The following TSPAN4 variants were observed in gnomAD, a reference collection of about 807,000 sequenced individuals.
TSPAN4 encodes tetraspanin-4.
A neutral mutation model predicts 31.5 loss-of-function variants in TSPAN4; 38 were observed. The ratio of observed to expected loss-of-function variants is 1.21; its 90% CI spans 0.93 to 1.58. The LOEUF (loss-of-function observed/expected upper bound fraction) is 1.58. Ranked by LOEUF, TSPAN4 falls within the 40% of genes most tolerant of loss-of-function variation. The probability of loss-of-function intolerance (pLI) is 0.00; values close to 1 mark genes in which losing one functional copy is unlikely to be tolerated. For missense variants in TSPAN4, 330 were observed against 317.3 expected, an observed-to-expected ratio of 1.04 and a Z score of -0.30; for synonymous variants, 186 against 144.6, an observed-to-expected ratio of 1.29 and a Z score of -2.06.
rs1357528706 is a variant in TSPAN4, at chr11:848,927, G to A, written c.-17-1361G>A. On this transcript the variant is annotated intron_variant, in intron 2 of 8. Transcript: ENST00000397397. This position sits in a 1 kb window ranked among gnomAD's most constrained non-coding sequence, Gnocchi z 5.7. ...CAGGAGTGCAGGCACATCTGCGCAC[G>A]GGGCCGGTATGTCTGTACCTGTCAA... 4.2e-6 allele frequency: 3 copies of A among 713,708 alleles called. No homozygotes were observed. Among genetic ancestry groups the A allele is most frequent in the Non-Finnish European group, 7.8e-6 (3 of 383,392 alleles). The allele number at this position is 713,708 out of a possible 1,614,324, so 44.2% of individuals were successfully genotyped here.
chr11:857,566 C>T (rs962733163), intron 3 of TSPAN4: 2 of 152,232 alleles, frequency 1.3e-5, no homozygotes, highest in Non-Finnish European at 2.9e-5. Flanking sequence ...CCACGCCCAG[C>T]TAATTTTTTG....
Position 850,311 on chromosome 11 carries a change from C to G in TSPAN4, c.7C>G (p.Arg3Gly), listed in dbSNP as rs973975934. The change falls in exon 3 of 9, where the codon CGC (arginine) becomes GGC (glycine). Residue 3 changes from arginine to glycine, a missense_variant. By Grantham distance (125) the Arg-to-Gly change is moderately radical (BLOSUM62 -2). Transcript: ENST00000397397. MA[R>G]ACLQAVKYLM... ...AGAACTGAAGCGCTGCGGCATGGCGCGCGCCTGCCTCCAGGCCGTCAAGTA... is the reference window on the plus strand; with the variant it reads ...AGAACTGAAGCGCTGCGGCATGGCGGGCGCCTGCCTCCAGGCCGTCAAGTA... 6.2e-6 allele frequency: 10 copies of G among 1,606,554 alleles called. No homozygotes were observed. Among genetic ancestry groups the G allele is most frequent in the Non-Finnish European group, 7.6e-6 (9 of 1,178,580 alleles).
chr11:860,331 T>A (rs932379865), intron 3 of TSPAN4, among the ~76,000 whole-genome samples: 1 of 152,226 alleles, frequency 6.6e-6, no homozygotes, highest in Non-Finnish European at 1.5e-5. Context: ...GCAGCCATGC[T>A]GGCCCTTGGG....
chr11:849,818 G>A (rs1443861012), intron 2 of TSPAN4: 4 of 147,042 alleles, frequency 2.7e-5, no homozygotes, highest in Non-Finnish European at 6.1e-5. Context: ...GGGGCGCGCG[G>A]GGTCGGGGGC....
chr11:854,401 C>A (rs1847931142), intron 3 of TSPAN4, among the ~76,000 whole-genome samples: 1 of 152,174 alleles, frequency 6.6e-6, no homozygotes. Context: ...ATTTTCCCAT[C>A]TGCACCATGT....
chr11:845,673 C>A (rs1173388717), intron 1 of TSPAN4, among the ~76,000 whole-genome samples: 4 of 151,984 alleles, frequency 2.6e-5, no homozygotes, highest in Admixed American at 2.6e-4. Context: ...ACCCAGGGTC[C>A]TAAGTCTGTT....
At chr11:863,932 G>C (rs1589794889) in intron 4 of TSPAN4, 2 of 161,258 alleles carry the variant, frequency 1.2e-5, no homozygotes, top group East Asian at 3.5e-4. Flanking sequence ...GGTCTTGCTG[G>C]AGGGGGCATC....
intron 1 of TSPAN4, among the ~76,000 whole-genome samples, chr11:846,466 C>T (rs1011882118): frequency 2.0e-5 from 3 of 152,186 alleles, no homozygotes; most frequent in African/African-American, 7.2e-5. Flanking sequence ...ACTGGAAGGA[C>T]AGTTACCTCA....
At position 864,457 on chromosome 11, in the gene TSPAN4, G is replaced by A. The variant is rs1195188768; in HGVS notation, c.276G>A (p.Leu92=). Residue 92 remains leucine (L), a synonymous_variant, in exon 5 of 9, where the codon CTG becomes CTA. Transcript: ENST00000397397. ...CACAGTTCTTCCTGCTGCTGCTGCT[G>A]GTGTTCCTGCTGGAGGCCACCATCG... ...LLLTFFLLLL[L]VFLLEATIAI... The A allele has an allele frequency of 1.9e-6, 3 of 1,612,794 alleles. No individual in the cohort carries two copies. Among genetic ancestry groups the A allele is most frequent in the Non-Finnish European group, 2.5e-6 (3 of 1,179,954 alleles).
rs141957485 is a variant in TSPAN4 at position 865,705 on chromosome 11, T to G, written c.444T>G (p.Cys148Trp). ...AGCTTGCCCCCCAGTTCCGCTGCTG[T>G]GGCGTCTCCAACTACACTGACTGGT... is the stretch of plus-strand genomic sequence containing the variant. The part of the protein sequence containing the change: ...WSIIQTDFRC[C>W]GVSNYTDWFE... Residue 148 changes from cysteine (C) to tryptophan (W), a missense_variant, in exon 7 of 9, where the codon TGT becomes TGG. Physicochemically the swap from Cys to Trp is radical, Grantham distance 215 (BLOSUM62 -2). Coordinates refer to ENST00000397397, the MANE Select transcript of TSPAN4 (RefSeq NM_003271.5). 73 of 1,613,246 alleles carry G rather than the reference T, an allele frequency of 4.5e-5. No homozygotes were observed. The highest frequency in any genetic ancestry group is 5.8e-5 in the Non-Finnish European group (69 of 1,179,944).
chr11:866,741 G>A lies in TSPAN4; in HGVS notation c.*111G>A, dbSNP rs1014762996. On this transcript the variant is annotated 3_prime_UTR_variant, in exon 9 of 9. Coordinates refer to ENST00000397397, the MANE Select transcript of TSPAN4 (RefSeq NM_003271.5). ...GTGCTCTGCCCCATGCTGGGAGGAGGGAGGGAGGGACAGGTGCCTGGAGCC... is the reference window on the plus strand; with the variant it reads ...GTGCTCTGCCCCATGCTGGGAGGAGAGAGGGAGGGACAGGTGCCTGGAGCC... 3.6e-6 allele frequency: 4 copies of A among 1,125,258 alleles called. No homozygotes were observed. Among genetic ancestry groups the A allele is most frequent in the Admixed American group, 5.2e-5 (2 of 38,314 alleles). The allele number at this position is 1,125,258 out of a possible 1,614,324, so 69.7% of individuals were successfully genotyped here.
intron 3 of TSPAN4, among the ~76,000 whole-genome samples, chr11:853,952 C>T (rs138978243): frequency 6.6e-6 from 1 of 152,328 alleles, no homozygotes; most frequent in Non-Finnish European, 1.5e-5. Flanking sequence ...GGTGCCGACA[C>T]AGACACAGGT....
intron 8 of TSPAN4, among the ~76,000 whole-genome samples, 169 bp downstream of exon 8, chr11:866,170 A>G (rs550849847): frequency 3.0e-4 from 46 of 152,252 alleles, no homozygotes; most frequent in Non-Finnish European, 5.6e-4. Context: ...CTGTGGGGAC[A>G]GTGGGCTCCC....
intron 1 of TSPAN4, among the ~76,000 whole-genome samples, chr11:843,895 G>A (rs896347528): frequency 2.0e-5 from 3 of 152,192 alleles, no homozygotes; most frequent in Admixed American, 1.3e-4. Context: ...AGAGGAGGAG[G>A]ACGAAGGGTT....
At chr11:845,354 G>A (rs1847254430) in intron 1 of TSPAN4, among the ~76,000 whole-genome samples, 3 of 152,306 alleles carry the variant, frequency 2.0e-5, no homozygotes, top group South Asian at 2.1e-4. Flanking sequence ...CTGGGAGACT[G>A]GCGTTGTGAG....
At chr11:864,179 G>C (rs868715704) in intron 4 of TSPAN4, 1 of 570,072 alleles carries the variant, frequency 1.8e-6, no homozygotes, top group African/African-American at 1.9e-5. Context: ...AGGGATGGGG[G>C]CAGGGGAGGG....
At chr11:845,169 C>T (rs911656848) in intron 1 of TSPAN4, among the ~76,000 whole-genome samples, 1 of 152,236 alleles carries the variant, frequency 6.6e-6, no homozygotes, top group East Asian at 1.9e-4. Flanking sequence ...CGCCCCCACA[C>T]CTGTGCTCTC....
chr11:843,607 C>T (rs2133973893), intron 1 of TSPAN4: 1 of 113,146 alleles, frequency 8.8e-6, no homozygotes, highest in African/African-American at 2.9e-5. Flanking sequence ...GAGCCCGTGT[C>T]TCTCGGATGG....
chr11:852,679 G>C (rs561845795), intron 3 of TSPAN4, among the ~76,000 whole-genome samples: 1 of 152,222 alleles, frequency 6.6e-6, no homozygotes, highest in African/African-American at 2.4e-5. Flanking sequence ...CAGGCCTAGC[G>C]CTCCCCTTCC....
Sources: gnomAD v4.1 joint callset for allele counts (sites outside exome capture counted in the v4.1 genomes callset) on GRCh38, gnomAD v4.1.1 for gene constraint, Gnocchi (gnomAD v3.1) non-coding constraint, MANE v1.5 for transcripts, NCBI Gene and HGNC (gene_info 2026-07-23, HGNC 2026-07-21) for gene names.